The following WWC1 variants were observed in gnomAD, a reference collection of about 807,000 sequenced individuals.
The protein encoded by WWC1 is protein KIBRA.
WWC1 carries 55 observed loss-of-function variants against 138.4 expected under a neutral mutation model. The observed-to-expected ratio is 0.40, with a 90% confidence interval of 0.32 to 0.50. The LOEUF (loss-of-function observed/expected upper bound fraction) is 0.50, where lower values mean the gene tolerates loss of function less well. Ranked by LOEUF, WWC1 falls within the 20% of genes least tolerant of loss-of-function variation. The probability of loss-of-function intolerance (pLI) is 0.72; values close to 1 mark genes in which losing one functional copy is unlikely to be tolerated. For synonymous variants in WWC1, 524 were observed against 564.9 expected (o/e 0.93, Z 1.03); for missense variants, 1,226 against 1,420.4 (o/e 0.86, Z 2.20).
At chr5:168,448,636 T>C (rs1755506255) in intron 17 of WWC1, among the ~76,000 whole-genome samples, 2 of 144,330 alleles carry the variant, frequency 1.4e-5, no homozygotes, top group African/African-American at 5.2e-5. Context: ...TTTTTTTTTT[T>C]GAGACGGAGT....
chr5:168,316,140 G>T (rs768173937), intron 1 of WWC1, among the ~76,000 whole-genome samples: 1 of 152,046 alleles, frequency 6.6e-6, no homozygotes, highest in African/African-American at 2.4e-5. Context: ...CCCCCTCAGC[G>T]TTTCTCAGAA....
rs1180751672 is a variant in WWC1, at chr5:168,464,907, A to G, written c.3095A>G (p.Gln1032Arg). Residue 1032 changes from glutamine (Q) to arginine (R), a missense_variant, in exon 21 of 23, where the codon CAG becomes CGG. Physicochemically the swap from Gln to Arg is conservative, Grantham distance 43. Transcript: ENST00000265293. ...AKSHGEKELPQWLREDERFRL... is the reference protein window; with the variant it reads ...AKSHGEKELPRWLREDERFRL... ...AGCCACGGGGAGAAGGAGCTGCCAC[A>G]GTGGTTGCGTGAGGACGAGCGTTTC... The G allele has an allele frequency of 3.1e-6, 5 of 1,614,208 alleles. No homozygotes were observed. In the South Asian group the frequency reaches 5.5e-5, roughly 18 times the overall value.
chr5:168,295,946 A>G (rs1342378945), intron 1 of WWC1, among the ~76,000 whole-genome samples: 1 of 152,196 alleles, frequency 6.6e-6, no homozygotes, highest in African/African-American at 2.4e-5. Flanking sequence ...GCAGCACCAC[A>G]GGCTTTTCCT....
intron 11 of WWC1, 88 bp downstream of exon 11, chr5:168,424,156 G>T (rs1411646169): frequency 6.9e-7 from 1 of 1,449,466 alleles, no homozygotes; most frequent in Non-Finnish European, 9.2e-7. Context: ...CATTCTAGTC[G>T]ATATTTACTG....
At chr5:168,403,682 G>T (rs1420205365) in intron 5 of WWC1, among the ~76,000 whole-genome samples, 1 of 152,002 alleles carries the variant, frequency 6.6e-6, no homozygotes, top group East Asian at 1.9e-4. Flanking sequence ...CCCCTGTCGG[G>T]GGAGGGCAGT....
intron 3 of WWC1, among the ~76,000 whole-genome samples, chr5:168,396,273 C>T (rs1778896504): frequency 6.6e-6 from 1 of 152,194 alleles, no homozygotes; most frequent in Non-Finnish European, 1.5e-5. Flanking sequence ...ATCCCAGCTA[C>T]TCAGGAGGCT....
chr5:168,392,820 T>C (rs1778604214), intron 3 of WWC1, among the ~76,000 whole-genome samples: 1 of 152,112 alleles, frequency 6.6e-6, no homozygotes, highest in Admixed American at 6.6e-5. Flanking sequence ...AGATTCCAGA[T>C]ATCCGAGGAA....
chr5:168,373,821 C>A (rs539741665), intron 2 of WWC1, among the ~76,000 whole-genome samples: 2 of 143,314 alleles, frequency 1.4e-5, no homozygotes, highest in African/African-American at 5.2e-5. Flanking sequence ...CCGAGGTGGG[C>A]GGATCACGAG....
At chr5:168,391,274 C>G (rs1255208220) in intron 3 of WWC1, among the ~76,000 whole-genome samples, 1 of 152,044 alleles carries the variant, frequency 6.6e-6, no homozygotes, top group African/African-American at 2.4e-5. Flanking sequence ...GTGGCATATA[C>G]ATGTAGTTCC....
intron 1 of WWC1, among the ~76,000 whole-genome samples, chr5:168,359,087 A>T (rs1430045888): frequency 2.0e-5 from 3 of 147,324 alleles, no homozygotes; most frequent in Non-Finnish European, 4.5e-5. Flanking sequence ...ACAGACTCTC[A>T]CTCTGTCACC....
At chr5:168,409,877 G>A (rs751945611) in intron 7 of WWC1, 45 bp from the exon 8 acceptor site, 25 of 1,606,612 alleles carry the variant, frequency 1.6e-5, no homozygotes, top group East Asian at 1.1e-4. Flanking sequence ...ACTCAGCACC[G>A]GCCACAACAG....
intron 1 of WWC1, among the ~76,000 whole-genome samples, chr5:168,303,493 C>T (rs1273275328): frequency 6.6e-6 from 1 of 152,020 alleles, no homozygotes; most frequent in Non-Finnish European, 1.5e-5. Flanking sequence ...CCTATAGTCC[C>T]AACTACACCA....
chr5:168,307,818 G>C (rs537241504), intron 1 of WWC1, among the ~76,000 whole-genome samples: 1 of 152,070 alleles, frequency 6.6e-6, no homozygotes, highest in African/African-American at 2.4e-5. Context: ...CACCATGTTA[G>C]CCAGGCTGGT....
At chr5:168,397,183 C>T (rs1358818227) in intron 3 of WWC1, among the ~76,000 whole-genome samples, 1 of 150,986 alleles carries the variant, frequency 6.6e-6, no homozygotes, top group Non-Finnish European at 1.5e-5. Flanking sequence ...CGCTCTGTCA[C>T]CCAGGCTGGA....
At chr5:168,312,212 G>A (rs1309050968) in intron 1 of WWC1, among the ~76,000 whole-genome samples, 2 of 133,434 alleles carry the variant, frequency 1.5e-5, no homozygotes, top group Non-Finnish European at 3.3e-5. Context: ...ACGAGACGCC[G>A]TCTCAAAAAA....
intron 1 of WWC1, among the ~76,000 whole-genome samples, chr5:168,322,153 T>C (rs997707782): frequency 6.6e-6 from 1 of 152,202 alleles, no homozygotes; most frequent in Non-Finnish European, 1.5e-5. Context: ...TGTAACAGAT[T>C]GATGCAAATG....
chr5:168,349,794 C>T (rs1350124969), intron 1 of WWC1, among the ~76,000 whole-genome samples: 2 of 152,162 alleles, frequency 1.3e-5, no homozygotes, highest in African/African-American at 4.8e-5. Flanking sequence ...CACAGCCCTT[C>T]CTGTTTTTGG....
At chr5:168,319,554 T>A (rs2152756970) in intron 1 of WWC1, among the ~76,000 whole-genome samples, 1 of 152,294 alleles carries the variant, frequency 6.6e-6, no homozygotes, top group Admixed American at 6.5e-5. Context: ...CAGGCTGGAG[T>A]GCAGTGGTAC....
At chr5:168,383,788 A>T (rs1254091912) in intron 2 of WWC1, among the ~76,000 whole-genome samples, 1 of 152,132 alleles carries the variant, frequency 6.6e-6, no homozygotes, top group Non-Finnish European at 1.5e-5. Context: ...TGGCTTGTTG[A>T]TCACCCCTAA....
Sources: allele counts gnomAD v4.1 joint callset (sites outside exome capture counted in the v4.1 genomes callset), GRCh38; gene constraint gnomAD v4.1.1; transcripts MANE v1.5; gene names NCBI Gene and HGNC (gene_info 2026-07-23, HGNC 2026-07-21).